Variants in CENPO observed in about 807,000 individuals in gnomAD.
The protein encoded by CENPO is centromeric protein O.
Under a neutral mutation model 36.1 loss-of-function variants are expected in CENPO, and 30 were observed. That is an observed-to-expected ratio of 0.83 (90% CI 0.62 to 1.13). CENPO has a LOEUF of 1.13. CENPO is among the 50% of genes most tolerant of loss of function. The pLI, the probability that CENPO is intolerant of heterozygous loss-of-function variation, is 0.00. For missense variants in CENPO, 349 were observed against 357.8 expected (o/e 0.98, Z 0.20); for synonymous variants, 171 against 142.3 (o/e 1.20, Z -1.44).
At chr2:24,816,845 T>A (rs1453001216) in intron 6 of CENPO, 28 bp downstream of exon 6, 1 of 1,553,922 alleles carries the variant, frequency 6.4e-7, no homozygotes, top group Non-Finnish European at 8.7e-7. Context: ...GTGCAGAAAT[T>A]CTCATATCCC....
At chr2:24,796,097 T>C (rs912696405) in intron 2 of CENPO, among the ~76,000 whole-genome samples, 1 of 152,180 alleles carries the variant, frequency 6.6e-6, no homozygotes, top group African/African-American at 2.4e-5. Context: ...GGCTCACACC[T>C]GTAATCCCAG....
At chr2:24,813,529 C>T (rs966313321) in intron 3 of CENPO, among the ~76,000 whole-genome samples, 2 of 152,086 alleles carry the variant, frequency 1.3e-5, no homozygotes, top group African/African-American at 4.8e-5. Context: ...TTGGCTTTTT[C>T]CCCTTTAGCA....
In CENPO at chr2:24,821,929, T is replaced by C. The variant is rs1363531175; in HGVS notation, c.*2611T>C. The stretch of plus-strand genomic sequence containing the variant: ...CTTGGCTGGGCCTGGTCCTGGTCCT[T>C]AGGTTTTGTCAGGTTGTCCTTGTTT... On this transcript the variant is annotated 3_prime_UTR_variant, in exon 8 of 8. Transcript: ENST00000380834. The C allele has an allele frequency of 2.8e-6, 1 of 360,792 alleles. No individual in the cohort carries two copies. Among genetic ancestry groups the C allele is most frequent in the Non-Finnish European group, 5.1e-6 (1 of 196,710 alleles). 22.3% of individuals were successfully genotyped at this position (360,792 alleles called of 1,614,324 possible).
chr2:24,819,831 G>A lies in CENPO; in HGVS notation c.*513G>A. The A allele has an allele frequency of 7.8e-7, 1 of 1,289,884 alleles. No individual in the cohort carries two copies. Among genetic ancestry groups the A allele is most frequent in the Non-Finnish European group, 1.1e-6 (1 of 933,380 alleles). The allele number at this position is 1,289,884 out of a possible 1,614,324, so 79.9% of individuals were successfully genotyped here. A position where few individuals can be genotyped will look rare whatever the true frequency, so the allele number is the denominator to read the frequency against. On this transcript the variant is annotated 3_prime_UTR_variant, in exon 8 of 8. Transcript: ENST00000380834. ...GGCTGAGGAGGTTTCTAAACCTAAA[G>A]TCCATGAGTGTGCACTTCAATCCAG...
chr2:24,820,454 GAGAC>G lies in CENPO; in HGVS notation c.*1140_*1143del, dbSNP rs1667438421. On this transcript the variant is annotated 3_prime_UTR_variant, in exon 8 of 8. Coordinates refer to ENST00000380834, the MANE Select transcript of CENPO (RefSeq NM_001322101.2). ...TGGAGCTTTTCTGCCAGACGCCACT[GAGAC>G]AGATCACAAGGTATTAGAAGGTTCA... 1 of 1,330,478 alleles carries G rather than the reference GAGAC, an allele frequency of 7.5e-7. No homozygotes were observed. The highest frequency in any genetic ancestry group is 9.6e-7 in the Non-Finnish European group (1 of 1,043,086). 82.4% of individuals were successfully genotyped at this position (1,330,478 alleles called of 1,614,324 possible).
chr2:24,819,679 G>C lies in CENPO; in HGVS notation c.*361G>C. The stretch of plus-strand genomic sequence containing the variant: ...GCCCCTCAGGGGCAAGGACGGCAGG[G>C]ATTGGAACGAGGGCTCTGGAAGGAC... On this transcript the variant is annotated 3_prime_UTR_variant, in exon 8 of 8. Coordinates refer to ENST00000380834, the MANE Select transcript of CENPO (RefSeq NM_001322101.2). 1 of 409,174 alleles carries C rather than the reference G, an allele frequency of 2.4e-6. No homozygotes were observed. Among genetic ancestry groups the C allele is most frequent in the Non-Finnish European group, 4.4e-6 (1 of 229,462 alleles). 25.3% of individuals were successfully genotyped at this position (409,174 alleles called of 1,614,324 possible).
chr2:24,798,258 T>C (rs1455991415), intron 2 of CENPO, among the ~76,000 whole-genome samples: 1 of 117,906 alleles, frequency 8.5e-6, no homozygotes, highest in Non-Finnish European at 1.9e-5. Flanking sequence ...TGAAATTGTG[T>C]GTGTGTGTAT....
intron 3 of CENPO, among the ~76,000 whole-genome samples, chr2:24,808,084 T>TAGA (rs1244403149): frequency 6.6e-6 from 1 of 152,256 alleles, no homozygotes; most frequent in East Asian, 1.9e-4. Flanking sequence ...TAATGGTGTC[T>TAGA]TGTGATGAAA....
chr2:24,821,419 C>G lies in CENPO; in HGVS notation c.*2101C>G. 6.6e-7 allele frequency: 1 copy of G among 1,520,146 alleles called. No homozygotes were observed. The highest frequency in any genetic ancestry group is 1.2e-5 in the South Asian group (1 of 80,704). The allele number at this position is 1,520,146 out of a possible 1,614,324, so 94.2% of individuals were successfully genotyped here. On this transcript the variant is annotated 3_prime_UTR_variant, in exon 8 of 8. Coordinates refer to ENST00000380834, the MANE Select transcript of CENPO (RefSeq NM_001322101.2). ...TGCGTGAACCTCCCCACCCGAATTG[C>G]CTCAGTTGTCCTGAGCCTCATGTCT...
At position 24,819,614 on chromosome 2, in the gene CENPO, T is replaced by G. The variant is rs1667235153; in HGVS notation, c.*296T>G. 4.4e-6 allele frequency: 1 copy of G among 229,884 alleles called. No individual in the cohort carries two copies. Among genetic ancestry groups the G allele is most frequent in the Non-Finnish European group, 8.5e-6 (1 of 117,342 alleles). 14.2% of individuals were successfully genotyped at this position (229,884 alleles called of 1,614,324 possible). ...GGAAAGCCCAGCGGCAAAGGCAGCT[T>G]TGTCCCAGCTCTGCCACCCTCCTGC... On this transcript the variant is annotated 3_prime_UTR_variant, in exon 8 of 8. Transcript: ENST00000380834.
chr2:24,816,588 A>C (rs1370136157), intron 5 of CENPO, 58 bp from the exon 6 acceptor site: 7 of 1,304,086 alleles, frequency 5.4e-6, no homozygotes, highest in South Asian at 3.2e-5. Flanking sequence ...GGGTCAGTAA[A>C]CACCACCTTT....
chr2:24,793,888 C>T lies in CENPO; in HGVS notation c.-32C>T, dbSNP rs781374051. 9 of 1,614,000 alleles carry T rather than the reference C, an allele frequency of 5.6e-6. No individual in the cohort carries two copies. Among genetic ancestry groups the T allele is most frequent in the African/African-American group, 1.3e-5 (1 of 74,926 alleles). On this transcript the variant is annotated 5_prime_UTR_variant, in exon 2 of 8. Coordinates refer to ENST00000380834, the MANE Select transcript of CENPO (RefSeq NM_001322101.2). ...GAGTCCCTATCACCGGTTGCCTAGA[C>T]AACTTCATGGGAAGGCCCTTGGGAA...
At chr2:24,818,138 T>A (rs74639823) in intron 7 of CENPO, among the ~76,000 whole-genome samples, 1 of 114,028 alleles carries the variant, frequency 8.8e-6, no homozygotes, top group Non-Finnish European at 1.8e-5. Context: ...TGGAAAAATA[T>A]CAAATTATTG....
intron 3 of CENPO, among the ~76,000 whole-genome samples, chr2:24,802,212 T>C (rs1254133660): frequency 6.6e-6 from 1 of 152,178 alleles, no homozygotes; most frequent in Non-Finnish European, 1.5e-5. Context: ...GCCTATCAGC[T>C]TAAGGAGATT....
At chr2:24,793,643 C>A in intron 1 of CENPO, 142 bp downstream of exon 1, 2 of 1,322,472 alleles carry the variant, frequency 1.5e-6, no homozygotes, top group Non-Finnish European at 2.0e-6. Context: ...CTCGGGAGCG[C>A]GCCGGGGCCG....
At chr2:24,803,361 C>T (rs377356985) in intron 3 of CENPO, among the ~76,000 whole-genome samples, 3 of 151,810 alleles carry the variant, frequency 2.0e-5, no homozygotes, top group Non-Finnish European at 2.9e-5. Context: ...TATTTCTTGC[C>T]TTCTGCTAGC....
At chr2:24,816,448 C>A in intron 5 of CENPO, 198 bp from the exon 6 acceptor site, 2 of 557,716 alleles carry the variant, frequency 3.6e-6, no homozygotes, top group Non-Finnish European at 6.3e-6. Context: ...ATAGGCCTTT[C>A]CAGGCTGCCA....
chr2:24,802,979 G>C (rs1383616523), intron 3 of CENPO, among the ~76,000 whole-genome samples: 1 of 152,144 alleles, frequency 6.6e-6, no homozygotes, highest in African/African-American at 2.4e-5. Context: ...TGGTTGGTAG[G>C]CTATTAATTA....
Position 24,819,438 on chromosome 2 carries a change from A to ACCTT in CENPO, c.*121_*124dup, listed in dbSNP as rs1218374169. 1 of 153,074 alleles carries ACCTT rather than the reference A, an allele frequency of 6.5e-6. No homozygotes were observed. Among genetic ancestry groups the ACCTT allele is most frequent in the Non-Finnish European group, 1.5e-5 (1 of 68,420 alleles). The allele number at this position is 153,074 out of a possible 1,614,324, so 9.5% of individuals were successfully genotyped here. On this transcript the variant is annotated 3_prime_UTR_variant, in exon 8 of 8. Transcript: ENST00000380834. ...CTAAGGGGACAGGAGTTCCAGAAGA[A>ACCTT]CCTTTCAAGATGATCAGGAACACCA...
Sources: gnomAD v4.1 joint callset for allele counts (sites outside exome capture counted in the v4.1 genomes callset) on GRCh38, gnomAD v4.1.1 for gene constraint, MANE v1.5 for transcripts, NCBI Gene and HGNC (gene_info 2026-07-23, HGNC 2026-07-21) for gene names.